The following NLRP3 variants were observed in gnomAD, a reference collection of about 807,000 sequenced individuals.
NLRP3 encodes NLR family pyrin domain containing 3.
Under a neutral mutation model 91.3 loss-of-function variants are expected in NLRP3, and 48 were observed. That is an observed-to-expected ratio of 0.53 (90% CI 0.42 to 0.67). NLRP3 has a LOEUF of 0.67. Among genes scored for constraint, NLRP3 ranks in the 30% least tolerant of loss-of-function variants. The probability of loss-of-function intolerance (pLI) is 0.00; values close to 1 mark genes in which losing one functional copy is unlikely to be tolerated. For synonymous variants in NLRP3, 561 were observed against 507.9 expected, an observed-to-expected ratio of 1.10 and a Z score of -1.41; for missense variants, 982 against 1,276.9, an observed-to-expected ratio of 0.77 and a Z score of 3.52.
chr1:247,428,108 T>G (rs1472658864), intron 4 of NLRP3, among the ~76,000 whole-genome samples: 1 of 151,440 alleles, frequency 6.6e-6, no homozygotes, highest in East Asian at 1.9e-4. Context: ...CCTTCCTTCC[T>G]CAGGACAGAC....
chr1:247,421,477 T>C (rs747756977), intron 2 of NLRP3, among the ~76,000 whole-genome samples: 9 of 152,200 alleles, frequency 5.9e-5, no homozygotes, highest in Non-Finnish European at 8.8e-5. Context: ...GCAATTATCA[T>C]TGTGTCAGTA....
Position 247,429,584 on chromosome 1 carries a change from G to A in NLRP3, c.2151-1G>A, listed in dbSNP as rs751039433. ...CTGTCTGTCTTCCTTCTAATTCCTA[G>A]ATTGGTGAACAGCCACCTCACTTCC... On this transcript the variant is annotated splice_acceptor_variant, in intron 4 of 9. Transcript: ENST00000336119. LOFTEE classifies it high-confidence loss of function. 2.5e-6 allele frequency: 4 copies of A among 1,614,128 alleles called. No individual in the cohort carries two copies. Among genetic ancestry groups the A allele is most frequent in the Non-Finnish European group, 2.5e-6 (3 of 1,179,990 alleles).
In NLRP3 at chr1:247,429,741, C is replaced by T; in HGVS notation, c.2307C>T (p.Asn769=). The T allele has an allele frequency of 1.2e-6, 2 of 1,613,932 alleles. No individual in the cohort carries two copies. The highest frequency in any genetic ancestry group is 2.2e-5 in the East Asian group (1 of 44,876). Residue 769 remains asparagine, a synonymous_variant, in exon 5 of 10, where the codon AAC becomes AAT. Transcript: ENST00000336119. ...AAACGCTCCAGCATCCTGGCTGTAA[C>T]ATTCGGAGATTGTGGTGAGTCCCCG... The part of the protein sequence containing the change: ...LCETLQHPGC[N]IRRLWLGRCG...
chr1:247,423,464 C>G, intron 3 of NLRP3, 115 bp downstream of exon 3: 1 of 1,222,646 alleles, frequency 8.2e-7, no homozygotes, highest in South Asian at 1.2e-5. Context: ...CTTTGGAATG[C>G]AAAGGCCTGT....
chr1:247,421,889 C>G (rs1233426583), intron 2 of NLRP3, among the ~76,000 whole-genome samples: 4 of 152,180 alleles, frequency 2.6e-5, no homozygotes, highest in Admixed American at 6.5e-5. Flanking sequence ...GTCCCAGTTA[C>G]TCAGGTGGCT....
intron 8 of NLRP3, 79 bp from the exon 9 acceptor site, chr1:247,444,572 C>G: frequency 6.8e-7 from 1 of 1,480,046 alleles, no homozygotes; most frequent in African/African-American, 1.4e-5. Context: ...TGAAACAAGA[C>G]AGGCTAAGAT....
chr1:247,433,985 T>C lies in NLRP3; in HGVS notation c.2322-118T>C, dbSNP rs144771376. The C allele has an allele frequency of 6.3e-4, 454 of 718,162 alleles. No homozygotes were observed. In the African/African-American group the frequency reaches 0.011, roughly 18 times the overall value. 44.5% of individuals were successfully genotyped at this position (718,162 alleles called of 1,614,324 possible). On this transcript the variant is annotated intron_variant, in intron 5 of 9. Transcript: ENST00000336119. ...TCCGGAGCTCTCTGATCAGATGTGT[T>C]CTGATGCTTTCTCTATTCCGGAGCT...
chr1:247,441,129 C>CTCTT (rs58587092), intron 7 of NLRP3, among the ~76,000 whole-genome samples: 38 of 92,856 alleles, frequency 4.1e-4, no homozygotes, highest in African/African-American at 6.3e-4. Flanking sequence ...TTTTCTTTTT[C>CTCTT]TCTTTCTTTC....
Position 247,419,052 on chromosome 1 carries a change from A to C in NLRP3, c.252A>C (p.Lys84Asn). 1 of 1,612,624 alleles carries C rather than the reference A, an allele frequency of 6.2e-7. No individual in the cohort carries two copies. The highest frequency in any genetic ancestry group is 8.5e-7 in the Non-Finnish European group (1 of 1,180,006). ...TCAACAGGAGAGACCTTTATGAGAA[A>C]GCAAAAAGAGATGAGCCGAAGTGGG... ...AAINRRDLYE[K>N]AKRDEPKWGS... Residue 84 changes from lysine (K) to asparagine (N), a missense_variant, in exon 2 of 10, where the codon AAA (lysine) becomes AAC (asparagine). Coordinates refer to ENST00000336119, the MANE Select transcript of NLRP3 (RefSeq NM_001243133.2).
intron 2 of NLRP3, among the ~76,000 whole-genome samples, chr1:247,422,633 C>G (rs1662547088): frequency 6.6e-6 from 1 of 152,088 alleles, no homozygotes; most frequent in African/African-American, 2.4e-5. Flanking sequence ...TGAAAAAGAA[C>G]CTCTGGGCGT....
chr1:247,431,912 T>A (rs1033544103), intron 5 of NLRP3, among the ~76,000 whole-genome samples: 2 of 152,214 alleles, frequency 1.3e-5, no homozygotes, highest in African/African-American at 4.8e-5. Context: ...TACCCCTTTT[T>A]TTTTGAGATG....
intron 1 of NLRP3, among the ~76,000 whole-genome samples, chr1:247,416,611 G>GA (rs370583773): frequency 5.0e-4 from 76 of 152,200 alleles, no homozygotes; most frequent in African/African-American, 1.8e-3. Flanking sequence ...TGGAAGGACT[G>GA]ATGGGGCAGG....
chr1:247,438,093 C>A (rs1663922929), intron 7 of NLRP3, among the ~76,000 whole-genome samples: 2 of 152,192 alleles, frequency 1.3e-5, no homozygotes, highest in Non-Finnish European at 2.9e-5. Flanking sequence ...ACAGAGCGGC[C>A]TAAACAACAA....
intron 9 of NLRP3, among the ~76,000 whole-genome samples, chr1:247,446,719 C>T (rs1664610200): frequency 6.6e-6 from 1 of 152,176 alleles, no homozygotes; most frequent in African/African-American, 2.4e-5. Flanking sequence ...CAGTGTAGCA[C>T]ATCTTATGTG....
At chr1:247,445,569 G>A (rs907246941) in intron 9 of NLRP3, among the ~76,000 whole-genome samples, 17 of 152,256 alleles carry the variant, frequency 1.1e-4, no homozygotes, top group Non-Finnish European at 2.2e-4. Flanking sequence ...CACGAAATTC[G>A]ACAGTGTGTC....
chr1:247,429,425 C>T (rs1252571007), intron 4 of NLRP3, among the ~76,000 whole-genome samples, 160 bp from the exon 5 acceptor site: 3 of 152,190 alleles, frequency 2.0e-5, no homozygotes, highest in African/African-American at 7.2e-5. Flanking sequence ...CTCATCCAGC[C>T]CTCTTCATTT....
chr1:247,418,289 T>C lies in NLRP3; in HGVS notation c.-512T>C, dbSNP rs1263124218. The C allele has an allele frequency of 1.4e-5, 3 of 209,926 alleles. No homozygotes were observed. The highest frequency in any genetic ancestry group is 2.9e-5 in the Non-Finnish European group (3 of 101,966). The allele number at this position is 209,926 out of a possible 1,614,324, so 13.0% of individuals were successfully genotyped here. On this transcript the variant is annotated 5_prime_UTR_variant, in exon 2 of 10. Transcript: ENST00000336119. ...GGATCGAGCCAACAGGAGAACTTTC[T>C]GGTAAGCATTTGGCTAACTTTTTTT...
rs372086905 is a variant in NLRP3, at chr1:247,444,765, G to C, written c.2949G>C (p.Gly983=). 4.3e-6 allele frequency: 7 copies of C among 1,614,124 alleles called. No individual in the cohort carries two copies. In the African/African-American group the frequency reaches 9.3e-5, roughly 22 times the overall value. ...SLGNNDLGDL[G]VMMFCEVLKQ... ...GCAACAATGACCTGGGCGACCTGGG[G>C]GTCATGATGTTCTGTGAAGTGCTGA... Residue 983 remains glycine, a synonymous_variant, in exon 9 of 10, where the codon GGG becomes GGC. Transcript: ENST00000336119.
In NLRP3 at chr1:247,425,276, G is replaced by C; in HGVS notation, c.1827G>C (p.Trp609Cys). The C allele has an allele frequency of 6.2e-7, 1 of 1,614,192 alleles. No homozygotes were observed. The highest frequency in any genetic ancestry group is 8.5e-7 in the Non-Finnish European group (1 of 1,180,032). ...SQQIRLELLK[W>C]IEVKAKAKKL... The stretch of plus-strand genomic sequence containing the variant: ...AAATCAGGCTGGAGCTGCTGAAATG[G>C]ATTGAAGTGAAAGCCAAAGCTAAAA... The change falls in exon 4 of 10, where the codon TGG becomes TGC. Residue 609 changes from tryptophan to cysteine, a missense_variant. Trp to Cys is a radical substitution (Grantham distance 215). Coordinates refer to ENST00000336119, the MANE Select transcript of NLRP3 (RefSeq NM_001243133.2). This position sits in a 1 kb window ranked among gnomAD's most constrained non-coding sequence, Gnocchi z 4.1.
Sources: gnomAD v4.1 joint callset for allele counts (sites outside exome capture counted in the v4.1 genomes callset) on GRCh38, gnomAD v4.1.1 for gene constraint, Gnocchi (gnomAD v3.1) non-coding constraint, MANE v1.5 for transcripts, NCBI Gene and HGNC (gene_info 2026-07-23, HGNC 2026-07-21) for gene names.